The following PHF14 variants were observed in gnomAD, a reference collection of about 807,000 sequenced individuals.
The protein encoded by PHF14 is PHD finger protein 14.
A neutral mutation model predicts 117.9 loss-of-function variants in PHF14; 55 were observed. The ratio of observed to expected loss-of-function variants is 0.47; its 90% CI spans 0.38 to 0.58. The LOEUF is 0.58. PHF14 is among the 20% of genes least tolerant of loss of function. The pLI, the probability that PHF14 is intolerant of heterozygous loss-of-function variation, is 0.00. For synonymous variants in PHF14, 409 were observed against 368.6 expected (o/e 1.11, Z -1.26); for missense variants, 978 against 1,122.2 (o/e 0.87, Z 1.84).
intron 16 of PHF14, among the ~76,000 whole-genome samples, chr7:11,096,603 A>G (rs1053419848): frequency 1.3e-5 from 2 of 152,176 alleles, no homozygotes; most frequent in Non-Finnish European, 2.9e-5. Context: ...TTTTAACACT[A>G]TTAAAAGCTC....
intron 17 of PHF14, among the ~76,000 whole-genome samples, chr7:11,166,642 A>T (rs940608788): frequency 2.0e-5 from 3 of 152,164 alleles, no homozygotes; most frequent in African/African-American, 7.2e-5. Context: ...TATTTTGATA[A>T]TGTTATAGCA....
chr7:11,105,274 G>C, intron 16 of PHF14: 1 of 952,172 alleles, frequency 1.1e-6, no homozygotes, highest in African/African-American at 1.8e-5. Flanking sequence ...GTGTTCATCT[G>C]ATTTTATATT....
chr7:10,986,083 C>G (rs1782218305), intron 3 of PHF14, among the ~76,000 whole-genome samples: 1 of 152,052 alleles, frequency 6.6e-6, no homozygotes, highest in South Asian at 2.1e-4. Flanking sequence ...ATTCTCCCAC[C>G]TCAGCCTTTG....
intron 5 of PHF14, among the ~76,000 whole-genome samples, chr7:11,016,897 C>G (rs1783553851): frequency 6.6e-6 from 1 of 152,136 alleles, no homozygotes; most frequent in South Asian, 2.1e-4. Flanking sequence ...CACCCTTTCC[C>G]TGCACTATCC....
rs374731275 is a variant in PHF14 at position 11,148,642 on chromosome 7, G to T, written c.2773-20774G>T. On this transcript the variant is annotated intron_variant, in intron 17 of 17. Coordinates refer to ENST00000634607, the MANE Select transcript of PHF14 (RefSeq NM_001007157.2). The stretch of plus-strand genomic sequence containing the variant: ...TGTTGAAATTGAAGGCCATGAGGAC[G>T]ATACGCTGTTGTTCACCACTATTAC... Among the ~76,000 whole-genome samples the T allele has an allele frequency of 5.9e-5, 9 of 152,206 alleles. No homozygotes were observed. The East Asian group carries it at 1.2e-3, about 20-fold the overall frequency.
intron 4 of PHF14, among the ~76,000 whole-genome samples, chr7:10,992,518 C>T (rs1345660831): frequency 6.6e-6 from 1 of 151,718 alleles, no homozygotes; most frequent in Non-Finnish European, 1.5e-5. Flanking sequence ...CAAAAATTAG[C>T]CGGGCGTGGT....
rs1189077123 is a variant in PHF14, at chr7:11,120,715, TTAAA to T, written c.2772+9251_2772+9254del. ...TATTGATGGTAATTCATATTTCACT[TTAAA>T]TATAGGATTATGGTCCTATGTGAAT... is the stretch of plus-strand genomic sequence containing the variant. On this transcript the variant is annotated intron_variant, in intron 17 of 17. Transcript: ENST00000634607. 3.3e-5 allele frequency among the ~76,000 whole-genome samples: 5 copies of T among 152,230 alleles called. No homozygotes were observed. In the East Asian group the frequency reaches 9.6e-4, roughly 29 times the overall value.
chr7:11,138,889 C>G (rs1437203588), intron 17 of PHF14, among the ~76,000 whole-genome samples: 1 of 151,130 alleles, frequency 6.6e-6, no homozygotes, highest in Non-Finnish European at 1.5e-5. Context: ...TATCTGAATA[C>G]CAGCAGATGG....
intron 17 of PHF14, among the ~76,000 whole-genome samples, chr7:11,115,719 A>G (rs1402461045): frequency 6.6e-6 from 1 of 152,064 alleles, no homozygotes; most frequent in African/African-American, 2.4e-5. Flanking sequence ...AGGATTCGGT[A>G]TAGAATCACA....
intron 4 of PHF14, among the ~76,000 whole-genome samples, chr7:11,005,941 C>A (rs780684092): frequency 6.6e-6 from 1 of 151,632 alleles, no homozygotes; most frequent in Admixed American, 6.6e-5. Flanking sequence ...TACAGGCATG[C>A]GCCACCTCAC....
chr7:11,050,479 G>A (rs1784822245), intron 13 of PHF14, among the ~76,000 whole-genome samples: 1 of 152,026 alleles, frequency 6.6e-6, no homozygotes, highest in African/African-American at 2.4e-5. Flanking sequence ...ACAATATAAA[G>A]ATTTCCAGCA....
chr7:11,049,609 A>T (rs1234595878), intron 13 of PHF14, among the ~76,000 whole-genome samples: 1 of 152,086 alleles, frequency 6.6e-6, no homozygotes, highest in Non-Finnish European at 1.5e-5. Flanking sequence ...GCCTTTTTGT[A>T]ATATAATATG....
chr7:11,094,115 G>A (rs1018357711), intron 16 of PHF14, among the ~76,000 whole-genome samples: 1 of 152,126 alleles, frequency 6.6e-6, no homozygotes, highest in African/African-American at 2.4e-5. Context: ...GGTCTACACT[G>A]CCAACCAGTG....
At chr7:11,144,041 A>G (rs1321520689) in intron 17 of PHF14, among the ~76,000 whole-genome samples, 1 of 152,110 alleles carries the variant, frequency 6.6e-6, no homozygotes, top group East Asian at 1.9e-4. Flanking sequence ...AAAACCCCAA[A>G]TAGTCCGATT....
chr7:11,075,564 GTTT>G (rs3073111), intron 16 of PHF14, among the ~76,000 whole-genome samples: 13,671 of 110,286 alleles, frequency 0.12, 758 homozygotes, highest in African/African-American at 0.21. Context: ...AAGGAAAGAG[GTTT>G]TTTTTTTTTT....
intron 16 of PHF14, among the ~76,000 whole-genome samples, chr7:11,082,627 A>G (rs1786193628): frequency 2.0e-5 from 3 of 152,184 alleles, no homozygotes; most frequent in Non-Finnish European, 4.4e-5. Flanking sequence ...AGTCTTCCTT[A>G]TATCACAATT....
At chr7:11,163,146 G>C (rs1789098628) in intron 17 of PHF14, among the ~76,000 whole-genome samples, 1 of 151,994 alleles carries the variant, frequency 6.6e-6, no homozygotes, top group African/African-American at 2.4e-5. Context: ...AGAGAAAAAA[G>C]GTAAGGTTTT....
At position 11,104,494 on chromosome 7, in the gene PHF14, A is replaced by G. The variant is rs973513572; in HGVS notation, c.2655-6856A>G. Reference sequence around the variant, plus strand: ...TTGATGTGTGCTTAAGAAAATATGTACTAAATGATTCATATTTCACAGACC... The same window carrying G: ...TTGATGTGTGCTTAAGAAAATATGTGCTAAATGATTCATATTTCACAGACC... On this transcript the variant is annotated intron_variant, in intron 16 of 17. Transcript: ENST00000634607. The G allele has an allele frequency of 1.2e-5, 12 of 981,496 alleles. No individual in the cohort carries two copies. In the African/African-American group the frequency reaches 1.4e-4, roughly 11 times the overall value. 60.8% of individuals were successfully genotyped at this position (981,496 alleles called of 1,614,324 possible).
At chr7:11,047,448 A>G (rs1784707017) in intron 13 of PHF14, among the ~76,000 whole-genome samples, 1 of 151,920 alleles carries the variant, frequency 6.6e-6, no homozygotes, top group African/African-American at 2.4e-5. Flanking sequence ...TTGGGTCATC[A>G]TTCTGATTAT....
Sources: gnomAD v4.1 joint callset for allele counts (sites outside exome capture counted in the v4.1 genomes callset) on GRCh38, gnomAD v4.1.1 for gene constraint, MANE v1.5 for transcripts, NCBI Gene and HGNC (gene_info 2026-07-23, HGNC 2026-07-21) for gene names.